The following BIRC6 variants were observed in gnomAD, a reference collection of about 807,000 sequenced individuals.
The protein encoded by BIRC6 is baculoviral IAP repeat containing 6, also known as dual E2 ubiquitin-conjugating enzyme/E3 ubiquitin-protein ligase BIRC6.
BIRC6 carries 98 observed loss-of-function variants against 503.3 expected under a neutral mutation model. That is an observed-to-expected ratio of 0.19 (90% confidence interval 0.17 to 0.23). The LOEUF is 0.23. BIRC6 is among the 10% of genes least tolerant of loss of function. The pLI is 1.00. For synonymous variants in BIRC6, 2,240 were observed against 2,078.7 expected (o/e 1.08, Z -2.11); for missense variants, 5,360 against 5,806.0 (o/e 0.92, Z 2.50).
At chr2:32,467,477 T>A in intron 26 of BIRC6, 48 bp from the exon 27 acceptor site, 1 of 1,427,298 alleles carries the variant, frequency 7.0e-7, no homozygotes, top group Non-Finnish European at 9.9e-7. Context: ...GTGTATCATT[T>A]GGTTAATTGA....
chr2:32,500,012 A>G lies in BIRC6; in HGVS notation c.8934A>G (p.Ala2978=), dbSNP rs761724025. The G allele has an allele frequency of 1.1e-5, 17 of 1,613,894 alleles. No homozygotes were observed. The South Asian group carries it at 1.9e-4, about 18-fold the overall frequency. ...GSSTSVQGSP[A]YVADLVLANQ... ...GTACCAGTGTTCAAGGATCGCCTGC[A>G]TATGTTGCTGACTTAGTCTTAGCCA... Residue 2978 remains alanine (A), a synonymous_variant, in exon 46 of 74, where the codon GCA becomes GCG. Transcript: ENST00000421745.
intron 19 of BIRC6, among the ~76,000 whole-genome samples, chr2:32,442,709 G>A: frequency 6.6e-6 from 1 of 152,174 alleles, no homozygotes; most frequent in Non-Finnish European, 1.5e-5. Flanking sequence ...GTAGCAGTTT[G>A]GAGAATTTGG....
In BIRC6 at chr2:32,592,348, A is replaced by G. The variant is rs1049594494; in HGVS notation, c.13356-1567A>G. On this transcript the variant is annotated intron_variant, in intron 66 of 73. Transcript: ENST00000421745. ...CCTCTTCAGTTAAGTCAGGTGACAT[A>G]AGTTTTTACCTTCTAGTTAAAGATA... 5.9e-5 allele frequency among the ~76,000 whole-genome samples: 9 copies of G among 152,310 alleles called. No individual in the cohort carries two copies. The Middle Eastern group carries it at 0.01, about 173-fold the overall frequency.
Position 32,469,461 on chromosome 2 carries a change from A to G in BIRC6, c.6194A>G (p.His2065Arg), listed in dbSNP as rs2048897521. The change falls in exon 30 of 74, where the codon CAC becomes CGC. Residue 2065 changes from histidine (H) to arginine (R), a missense_variant. Physicochemically the swap from His to Arg is conservative, Grantham distance 29 (BLOSUM62 0). Around this residue, in one of 16 missense-constraint regions of BIRC6, gnomAD observed 2,299 missense variants for 2,267.2 expected, o/e 1.01. Transcript: ENST00000421745. ...HAQACEELFK[H>R]LCISGTPKIR... ...CAGGCCTGTGAAGAGCTCTTTAAAC[A>G]CTTGTGCATCAGTGGAACCCCAAAG... 1.2e-6 allele frequency: 2 copies of G among 1,613,914 alleles called. No individual in the cohort carries two copies. The highest frequency in any genetic ancestry group is 1.7e-6 in the Non-Finnish European group (2 of 1,179,828).
At position 32,524,941 on chromosome 2, in the gene BIRC6, A is replaced by G. The variant is rs1263789935; in HGVS notation, c.11677A>G (p.Lys3893Glu). 5 of 1,534,814 alleles carry G rather than the reference A, an allele frequency of 3.3e-6. No homozygotes were observed. The highest frequency in any genetic ancestry group is 4.8e-5 in the East Asian group (2 of 41,298). ...LISEQKDDKE[K>E]KNHEEKEKVK... ...TAGTGAACAAAAAGATGACAAAGAA[A>G]AGAAAAACCATGAAGAGAAAGAAAA... The change falls in exon 58 of 74, where the codon AAG (lysine) becomes GAG (glutamate). Residue 3893 changes from lysine to glutamate, a missense_variant. By Grantham distance (56) the Lys-to-Glu change is moderately conservative. Around this residue, in one of 16 missense-constraint regions of BIRC6, gnomAD observed 878 missense variants for 928.9 expected, o/e 0.95. Coordinates refer to ENST00000421745, the MANE Select transcript of BIRC6 (RefSeq NM_016252.4).
At chr2:32,532,045 A>G (rs2056807206) in intron 61 of BIRC6, 6 of 508,680 alleles carry the variant, frequency 1.2e-5, no homozygotes, top group Non-Finnish European at 2.4e-5. Context: ...TGTATCAATC[A>G]GTAGGAAGTA....
rs150631623 is a variant in BIRC6, at chr2:32,518,472, T to G, written c.11493+75T>G. 3,090 of 1,435,482 alleles carry G rather than the reference T, an allele frequency of 2.2e-3. 8 individuals carry two copies. Among genetic ancestry groups the G allele is most frequent in the Non-Finnish European group, 2.7e-3 (2,866 of 1,059,934 alleles). The allele number at this position is 1,435,482 out of a possible 1,614,324, so 88.9% of individuals were successfully genotyped here. ...TTTTGTATCAGAGCCTGCAGTTACC[T>G]CCTATGTTCTAACTTCGAGTATAGC... is the stretch of plus-strand genomic sequence containing the variant. On this transcript the variant is annotated intron_variant, in intron 56 of 73. Coordinates refer to ENST00000421745, the MANE Select transcript of BIRC6 (RefSeq NM_016252.4).
chr2:32,453,827 T>C lies in BIRC6; in HGVS notation c.4638T>C (p.Ser1546=), dbSNP rs552680323. The change falls in exon 23 of 74, where the codon AGT becomes AGC. Residue 1546 remains serine (S), a synonymous_variant. Coordinates refer to ENST00000421745, the MANE Select transcript of BIRC6 (RefSeq NM_016252.4). ...DVLSGNGKVS[S]CTAAEGSFTS... ...CATTAGGAAATGGAAAGGTCAGTAG[T>C]TGCACAGCTGCTGAGGGTAGTTTCA... 2 of 1,613,758 alleles carry C rather than the reference T, an allele frequency of 1.2e-6. No homozygotes were observed. The highest frequency in any genetic ancestry group is 1.3e-5 in the African/African-American group (1 of 75,044).
In BIRC6 at chr2:32,482,516, G is replaced by A. The variant is rs756589731; in HGVS notation, c.7630G>A (p.Val2544Ile). The stretch of plus-strand genomic sequence containing the variant: ...TTACATTGGAGGTCTGGGAATTCCT[G>A]TAGCAAAGCCACCAGCAAACACGGA... ...NPYIGGLGIP[V>I]AKPPANTEKN... Residue 2544 changes from valine to isoleucine, a missense_variant, in exon 39 of 74, where the codon GTA becomes ATA. Around this residue, in one of 16 missense-constraint regions of BIRC6, gnomAD observed 2,299 missense variants for 2,267.2 expected, o/e 1.01. Coordinates refer to ENST00000421745, the MANE Select transcript of BIRC6 (RefSeq NM_016252.4). 5 of 1,613,808 alleles carry A rather than the reference G, an allele frequency of 3.1e-6. No individual in the cohort carries two copies. The highest frequency in any genetic ancestry group is 1.6e-4 in the Middle Eastern group (1 of 6,084).
chr2:32,489,999 T>G, intron 42 of BIRC6, 42 bp from the exon 43 acceptor site: 1 of 1,362,152 alleles, frequency 7.3e-7, no homozygotes, highest in Non-Finnish European at 1.0e-6. Context: ...TCATAAACAT[T>G]GTTTTTCTGA....
At chr2:32,379,083 T>C (rs575663378) in intron 2 of BIRC6, 1 of 152,312 alleles carries the variant, frequency 6.6e-6, no homozygotes, top group East Asian at 1.9e-4. Flanking sequence ...ATTTTACATT[T>C]AGTGTCATAT....
At chr2:32,513,440 C>A (rs1027888021) in intron 54 of BIRC6, among the ~76,000 whole-genome samples, 2 of 152,126 alleles carry the variant, frequency 1.3e-5, no homozygotes, top group African/African-American at 4.8e-5. Context: ...ATTTTCCCAC[C>A]AGATTATCTT....
chr2:32,617,958 A>G lies in BIRC6; in HGVS notation c.*54A>G, dbSNP rs1461569557. Reference sequence around the variant, plus strand: ...AAAGGCTTCGAAGCACAAGCCAAATATGTCAATATTTGTATGTAAGAAACT... The same window carrying G: ...AAAGGCTTCGAAGCACAAGCCAAATGTGTCAATATTTGTATGTAAGAAACT... On this transcript the variant is annotated 3_prime_UTR_variant, in exon 74 of 74. Coordinates refer to ENST00000421745, the MANE Select transcript of BIRC6 (RefSeq NM_016252.4). 3 of 1,522,236 alleles carry G rather than the reference A, an allele frequency of 2.0e-6. No individual in the cohort carries two copies. Among genetic ancestry groups the G allele is most frequent in the African/African-American group, 1.4e-5 (1 of 72,580 alleles). 94.3% of individuals were successfully genotyped at this position (1,522,236 alleles called of 1,614,324 possible).
rs2049752400 is a variant in BIRC6, at chr2:32,476,297, T to C, written c.6805T>C (p.Tyr2269His). ...EKIQSNKGSS[Y>H]KLLVEQAKLK... is the part of the protein sequence containing the mutation. Reference sequence around the variant, plus strand: ...AATACAAAGTAACAAAGGATCATCATATAAACTCCTGGTAGAACAAGCAAA... The same window carrying C: ...AATACAAAGTAACAAAGGATCATCACATAAACTCCTGGTAGAACAAGCAAA... Residue 2269 changes from tyrosine to histidine, a missense_variant, in exon 34 of 74, where the codon TAT becomes CAT. Tyr to His is a moderately conservative substitution (Grantham distance 83). Coordinates refer to ENST00000421745, the MANE Select transcript of BIRC6 (RefSeq NM_016252.4). 1.3e-6 allele frequency: 2 copies of C among 1,571,962 alleles called. No homozygotes were observed. Among genetic ancestry groups the C allele is most frequent in the Non-Finnish European group, 1.7e-6 (2 of 1,157,156 alleles).
At chr2:32,487,553 T>TA in intron 40 of BIRC6, 94 bp from the exon 41 acceptor site, 1 of 1,159,522 alleles carries the variant, frequency 8.6e-7, no homozygotes, top group African/African-American at 1.6e-5. Flanking sequence ...TTTTAATTTT[T>TA]AAAAACAATT....
intron 1 of BIRC6, among the ~76,000 whole-genome samples, chr2:32,369,945 AATAT>A (rs67839399): frequency 0.019 from 820 of 43,898 alleles, 23 homozygotes; most frequent in Non-Finnish European, 0.021. Context: ...AAAAAAAAAA[AATAT>A]ATATATATAT....
chr2:32,612,699 A>T (rs559052516), intron 73 of BIRC6, among the ~76,000 whole-genome samples: 2 of 152,326 alleles, frequency 1.3e-5, no homozygotes, highest in East Asian at 3.9e-4. Context: ...GGGAATATAG[A>T]TGAAAGAAGA....
At chr2:32,430,709 A>G (rs2147959891) in intron 11 of BIRC6, among the ~76,000 whole-genome samples, 156 bp from the exon 12 acceptor site, 1 of 151,956 alleles carries the variant, frequency 6.6e-6, no homozygotes, top group Non-Finnish European at 1.5e-5. Context: ...TTAGTTATAT[A>G]TAGATACCTG....
At chr2:32,590,666 C>G (rs1559117434) in intron 66 of BIRC6, 2 of 411,320 alleles carry the variant, frequency 4.9e-6, no homozygotes, top group African/African-American at 2.2e-5. Context: ...TGCTCACATC[C>G]TACTTCAGAT....
Sources: allele counts gnomAD v4.1 joint callset (sites outside exome capture counted in the v4.1 genomes callset), GRCh38; gene constraint gnomAD v4.1.1; regional missense constraint gnomAD v4.1.1; transcripts MANE v1.5; gene names NCBI Gene and HGNC (gene_info 2026-07-23, HGNC 2026-07-21).